Variants in SBSPON observed in about 807,000 individuals in gnomAD.
SBSPON encodes somatomedin B and thrombospondin type 1 domain containing, also known as somatomedin-B and thrombospondin type-1 domain-containing protein.
SBSPON carries 30 observed loss-of-function variants against 35.8 expected under a neutral mutation model. The observed-to-expected ratio is 0.84, with a 90% confidence interval of 0.63 to 1.14. The LOEUF is 1.14. SBSPON is among the 50% of genes most tolerant of loss of function. The pLI, the probability that SBSPON is intolerant of heterozygous loss-of-function variation, is 0.00. For synonymous variants in SBSPON, 136 were observed against 135.9 expected (o/e 1.00, Z 0.00); for missense variants, 364 against 357.7 (o/e 1.02, Z -0.14).
chr8:73,070,836 T>C (rs139766733), intron 3 of SBSPON, among the ~76,000 whole-genome samples: 335 of 152,312 alleles, frequency 2.2e-3, no homozygotes, highest in Non-Finnish European at 3.6e-3. Flanking sequence ...ACCCATACAA[T>C]TATGAGTTGC....
intron 2 of SBSPON, among the ~76,000 whole-genome samples, chr8:73,077,551 G>A (rs541014583): frequency 9.2e-5 from 14 of 152,352 alleles, no homozygotes; most frequent in African/African-American, 3.1e-4. Flanking sequence ...GCTGTGATAT[G>A]TTTGTTAATC....
intron 1 of SBSPON, among the ~76,000 whole-genome samples, chr8:73,083,051 C>G (rs1366716385): frequency 6.6e-6 from 1 of 152,214 alleles, no homozygotes; most frequent in Non-Finnish European, 1.5e-5. Context: ...AAAGATGACA[C>G]TGGGGAGGGT....
intron 1 of SBSPON, among the ~76,000 whole-genome samples, chr8:73,091,952 T>C (rs902047891): frequency 6.6e-6 from 1 of 152,080 alleles, no homozygotes; most frequent in African/African-American, 2.4e-5. Flanking sequence ...AACCCTAATA[T>C]CTGTGTGGCT....
chr8:73,093,072 A>G lies in SBSPON; in HGVS notation c.-5T>C, dbSNP rs1462422598. The G allele has an allele frequency of 2.3e-6, 3 of 1,329,786 alleles. No homozygotes were observed. The highest frequency in any genetic ancestry group is 4.2e-5 in the Admixed American group (1 of 23,808). 82.4% of individuals were successfully genotyped at this position (1,329,786 alleles called of 1,614,324 possible). On this transcript the variant is annotated 5_prime_UTR_variant, in exon 1 of 5. Coordinates refer to ENST00000297354, the MANE Select transcript of SBSPON (RefSeq NM_153225.4). ...CGCCATCCACAGGGTCCTCATGGCC[A>G]GGGCTCCGGCGGCGCCTGCGACGCG... is the stretch of plus-strand genomic sequence containing the variant.
At chr8:73,085,948 C>T (rs1170159980) in intron 1 of SBSPON, 1 of 152,196 alleles carries the variant, frequency 6.6e-6, no homozygotes, top group Non-Finnish European at 1.5e-5. Context: ...AGGCCACCCA[C>T]AAACAAGTGC....
chr8:73,088,640 G>A (rs541289778), intron 1 of SBSPON, among the ~76,000 whole-genome samples: 2 of 151,966 alleles, frequency 1.3e-5, no homozygotes, highest in East Asian at 1.9e-4. Context: ...CTGAGATCAC[G>A]CCACTGCACT....
rs747450387 is a variant in SBSPON at position 73,081,244 on chromosome 8, G to A, written c.215-31C>T. The A allele has an allele frequency of 2.6e-6, 4 of 1,509,760 alleles. No homozygotes were observed. The Admixed American group carries it at 6.2e-5, about 23-fold the overall frequency. The allele number at this position is 1,509,760 out of a possible 1,614,324, so 93.5% of individuals were successfully genotyped here. A position where few individuals can be genotyped will look rare whatever the true frequency, so the allele number is the denominator to read the frequency against. On this transcript the variant is annotated intron_variant, in intron 1 of 4. Transcript: ENST00000297354. Reference sequence around the variant, plus strand: ...AAACAGCACAATAGGACGCTCACCTGAGTAAATCCCGCCAGGCTGGCAGGC... The same window carrying A: ...AAACAGCACAATAGGACGCTCACCTAAGTAAATCCCGCCAGGCTGGCAGGC...
chr8:73,065,532 T>C lies in SBSPON; in HGVS notation c.*1809A>G, dbSNP rs1289793550. The C allele has an allele frequency of 1.3e-5, 2 of 152,032 alleles. No individual in the cohort carries two copies. Among genetic ancestry groups the C allele is most frequent in the Non-Finnish European group, 2.9e-5 (2 of 68,018 alleles). 9.4% of individuals were successfully genotyped at this position (152,032 alleles called of 1,614,324 possible). A position where few individuals can be genotyped will look rare whatever the true frequency, so the allele number is the denominator to read the frequency against. ...GGCTCACGCCCATAATCCCAGCACC[T>C]TGGGAGGCCGAGGTGGGTGGATCAC... On this transcript the variant is annotated 3_prime_UTR_variant, in exon 5 of 5. Transcript: ENST00000297354.
At chr8:73,090,070 GT>G (rs1044665853) in intron 1 of SBSPON, among the ~76,000 whole-genome samples, 3 of 152,170 alleles carry the variant, frequency 2.0e-5, no homozygotes, top group African/African-American at 7.2e-5. Flanking sequence ...TAGAAATAGG[GT>G]TTCGCCATGT....
intron 2 of SBSPON, among the ~76,000 whole-genome samples, chr8:73,079,202 G>A (rs978955385): frequency 6.6e-6 from 1 of 152,100 alleles, no homozygotes; most frequent in African/African-American, 2.4e-5. Context: ...TAGGCCTTGT[G>A]TTATCAGACC....
intron 2 of SBSPON, among the ~76,000 whole-genome samples, chr8:73,080,247 G>T (rs1299265630): frequency 6.6e-6 from 1 of 152,172 alleles, no homozygotes; most frequent in Non-Finnish European, 1.5e-5. Flanking sequence ...GGGCGCAGTG[G>T]CTCATGCCTG....
chr8:73,079,093 G>A (rs1810648535), intron 2 of SBSPON, among the ~76,000 whole-genome samples: 1 of 152,124 alleles, frequency 6.6e-6, no homozygotes, highest in Non-Finnish European at 1.5e-5. Context: ...TTTTATACAT[G>A]CAACTGTTTT....
At chr8:73,072,478 G>C (rs2129994500) in intron 2 of SBSPON, among the ~76,000 whole-genome samples, 1 of 152,228 alleles carries the variant, frequency 6.6e-6, no homozygotes, top group East Asian at 1.9e-4. Flanking sequence ...AAATCAGCCT[G>C]GCCAACATGG....
chr8:73,084,257 G>A (rs1433924156), intron 1 of SBSPON, among the ~76,000 whole-genome samples: 2 of 152,198 alleles, frequency 1.3e-5, no homozygotes, highest in Non-Finnish European at 2.9e-5. Context: ...ACAGCCAAAG[G>A]AGAATAAGTT....
In SBSPON at chr8:73,092,904, G is replaced by T. The variant is rs773972560; in HGVS notation, c.164C>A (p.Ala55Asp). ...RVYGTCFCDQ[A>D]CRFTGDCCFD... ...GCAGCAGTCCCCGGTGAAGCGACAG[G>T]CTTGGTCGCAGAAACACGTCCCGTA... The change falls in exon 1 of 5, where the codon GCC becomes GAC. Residue 55 changes from alanine (A) to aspartate (D), a missense_variant. Physicochemically the swap from Ala to Asp is moderately radical, Grantham distance 126 (BLOSUM62 -2). Transcript: ENST00000297354. The T allele has an allele frequency of 1.9e-6, 3 of 1,611,706 alleles. No individual in the cohort carries two copies. The highest frequency in any genetic ancestry group is 2.2e-5 in the East Asian group (1 of 44,698).
rs773686105 is a variant in SBSPON, at chr8:73,065,113, T to A, written c.*2228A>T. On this transcript the variant is annotated 3_prime_UTR_variant, in exon 5 of 5. Coordinates refer to ENST00000297354, the MANE Select transcript of SBSPON (RefSeq NM_153225.4). ...TTAATAACAAGCTTTTCAAAACTGT[T>A]ATTTAACAGTTAACTCCTCTAGCCC... 6.6e-5 allele frequency: 10 copies of A among 152,222 alleles called. No homozygotes were observed. Among genetic ancestry groups the A allele is most frequent in the Non-Finnish European group, 1.0e-4 (7 of 68,038 alleles). The allele number at this position is 152,222 out of a possible 1,614,324, so 9.4% of individuals were successfully genotyped here. A position where few individuals can be genotyped will look rare whatever the true frequency, so the allele number is the denominator to read the frequency against.
intron 1 of SBSPON, among the ~76,000 whole-genome samples, chr8:73,086,786 CT>C (rs2130036883): frequency 6.6e-6 from 1 of 152,216 alleles, no homozygotes; most frequent in South Asian, 2.1e-4. Flanking sequence ...GATAATAGTA[CT>C]TTTTCTTTCT....
Position 73,066,028 on chromosome 8 carries a change from T to G in SBSPON, c.*1313A>C, listed in dbSNP as rs1310835740. ...GGTGTTATTAATTATTGGGGAAATC[T>G]CCATCCTTATTGCTGTTGTGAATCT... On this transcript the variant is annotated 3_prime_UTR_variant, in exon 5 of 5. Coordinates refer to ENST00000297354, the MANE Select transcript of SBSPON (RefSeq NM_153225.4). 2 of 152,130 alleles carry G rather than the reference T, an allele frequency of 1.3e-5. No homozygotes were observed. The highest frequency in any genetic ancestry group is 4.8e-5 in the African/African-American group (2 of 41,436). The allele number at this position is 152,130 out of a possible 1,614,324, so 9.4% of individuals were successfully genotyped here.
chr8:73,084,749 GACACACACACACACACAC>G (rs57178636), intron 1 of SBSPON, among the ~76,000 whole-genome samples: 437 of 134,446 alleles, frequency 3.3e-3, no homozygotes, highest in African/African-American at 0.011. Flanking sequence ...CCACTACACA[GACACACACACACACACAC>G]ACACACACAC....
Sources: gnomAD v4.1 joint callset for allele counts (sites outside exome capture counted in the v4.1 genomes callset) on GRCh38, gnomAD v4.1.1 for gene constraint, MANE v1.5 for transcripts, NCBI Gene and HGNC (gene_info 2026-07-23, HGNC 2026-07-21) for gene names.